The following NALCN variants were observed in gnomAD, a reference collection of about 807,000 sequenced individuals.
NALCN encodes sodium leak channel NALCN.
In NALCN, 111 loss-of-function variants were observed where a neutral mutation model predicts 225.3. The observed-to-expected ratio is 0.49, with a 90% confidence interval of 0.42 to 0.58. The LOEUF (loss-of-function observed/expected upper bound fraction) is 0.58, where lower values mean the gene tolerates loss of function less well. Among genes scored for constraint, NALCN ranks in the 20% least tolerant of loss-of-function variants. The probability of loss-of-function intolerance (pLI) is 0.00; values close to 1 mark genes in which losing one functional copy is unlikely to be tolerated. For missense variants in NALCN, 1,378 were observed against 2,202.4 expected, an observed-to-expected ratio of 0.63 and a Z score of 7.49; for synonymous variants, 764 against 769.0, an observed-to-expected ratio of 0.99 and a Z score of 0.11.
At chr13:101,281,505 G>T (rs2138996196) in intron 10 of NALCN, among the ~76,000 whole-genome samples, 1 of 152,308 alleles carries the variant, frequency 6.6e-6, no homozygotes, top group African/African-American at 2.4e-5. Context: ...TATTAGTAGT[G>T]ATAGTAGGAG....
chr13:101,216,541 TC>T (rs1191035786), intron 13 of NALCN, among the ~76,000 whole-genome samples: 1 of 152,098 alleles, frequency 6.6e-6, no homozygotes, highest in Non-Finnish European at 1.5e-5. Context: ...ATCAAATATT[TC>T]ATGATAAAAT....
intron 15 of NALCN, among the ~76,000 whole-genome samples, chr13:101,148,903 T>G (rs1197656249): frequency 6.7e-6 from 1 of 150,166 alleles, no homozygotes; most frequent in Admixed American, 6.7e-5. Context: ...TGTCCTTAGA[T>G]TCACAGAAGA....
At chr13:101,349,878 A>C (rs1277223480) in intron 6 of NALCN, among the ~76,000 whole-genome samples, 2 of 152,134 alleles carry the variant, frequency 1.3e-5, no homozygotes, top group Non-Finnish European at 2.9e-5. Context: ...CCCTTATTCA[A>C]TTTGAAATCC....
At chr13:101,142,964 T>C in intron 17 of NALCN, 116 bp downstream of exon 17, 1 of 1,313,230 alleles carries the variant, frequency 7.6e-7, no homozygotes, top group East Asian at 2.3e-5. Context: ...TGAAATCATT[T>C]TATTTTCATT....
Position 101,089,649 on chromosome 13 carries a change from C to T in NALCN, c.3489+14G>A, listed in dbSNP as rs367897285. ...AAGGCTAAACCCTGTGGTATCCAAA[C>T]CAAAAATCCTTACCTTGTTTTCATT... is the stretch of plus-strand genomic sequence containing the variant. On this transcript the variant is annotated intron_variant, in intron 30 of 43. Coordinates refer to ENST00000251127, the MANE Select transcript of NALCN (RefSeq NM_052867.4). This position sits in a 1 kb window ranked among gnomAD's most constrained non-coding sequence, Gnocchi z 4.7. 5.0e-6 allele frequency: 8 copies of T among 1,612,290 alleles called. No individual in the cohort carries two copies. Among genetic ancestry groups the T allele is most frequent in the Admixed American group, 1.7e-5 (1 of 59,948 alleles).
intron 1 of NALCN, among the ~76,000 whole-genome samples, chr13:101,413,902 G>T (rs552090632): frequency 1.2e-4 from 19 of 152,210 alleles, no homozygotes; most frequent in African/African-American, 4.3e-4. Context: ...TTTTTAAACA[G>T]AGTCTCACTC....
At chr13:101,094,384 G>A (rs1215677914) in intron 28 of NALCN, among the ~76,000 whole-genome samples, 1 of 152,094 alleles carries the variant, frequency 6.6e-6, no homozygotes, top group Non-Finnish European at 1.5e-5. Flanking sequence ...TTTCTCTATA[G>A]TGAAGGAAAT....
At chr13:101,238,237 A>G (rs1566473099) in intron 11 of NALCN, among the ~76,000 whole-genome samples, 1 of 151,902 alleles carries the variant, frequency 6.6e-6, no homozygotes, top group Non-Finnish European at 1.5e-5. Context: ...TGTACACAAA[A>G]GGCTGAATTT....
rs1187746840 is a variant in NALCN at position 101,379,757 on chromosome 13, T to C, written c.292-1104A>G. ...GAGGGATAGCATTAGGAGAAACACCTAACGTAGATGACAGGTTGATGGTGC... is the reference window on the plus strand; with the variant it reads ...GAGGGATAGCATTAGGAGAAACACCCAACGTAGATGACAGGTTGATGGTGC... On this transcript the variant is annotated intron_variant, in intron 3 of 43. Coordinates refer to ENST00000251127, the MANE Select transcript of NALCN (RefSeq NM_052867.4). Among the ~76,000 whole-genome samples, 4 of 152,208 alleles carry C rather than the reference T, an allele frequency of 2.6e-5. No individual in the cohort carries two copies. In the East Asian group the frequency reaches 7.7e-4, roughly 29 times the overall value.
intron 13 of NALCN, among the ~76,000 whole-genome samples, chr13:101,228,267 A>G (rs555410158): frequency 4.8e-4 from 73 of 152,332 alleles, no homozygotes; most frequent in African/African-American, 1.7e-3. Flanking sequence ...CCCTAAAATA[A>G]AGCTAAGCTA....
chr13:101,338,598 A>G (rs2045459788), intron 7 of NALCN, among the ~76,000 whole-genome samples: 1 of 152,182 alleles, frequency 6.6e-6, no homozygotes, highest in African/African-American at 2.4e-5. Context: ...GGTCATGACA[A>G]GGAATCACCA....
chr13:101,279,221 AG>A (rs1391464333), intron 10 of NALCN, among the ~76,000 whole-genome samples: 1 of 152,176 alleles, frequency 6.6e-6, no homozygotes, highest in Non-Finnish European at 1.5e-5. Context: ...TTATTTTTTG[AG>A]GATAAGAAAG....
At chr13:101,062,518 C>G (rs1297492891) in intron 40 of NALCN, among the ~76,000 whole-genome samples, 1 of 152,170 alleles carries the variant, frequency 6.6e-6, no homozygotes, top group East Asian at 1.9e-4. Context: ...TTAATATGCT[C>G]GGCTGTGCGT....
intron 17 of NALCN, among the ~76,000 whole-genome samples, chr13:101,137,728 A>G (rs1362223774): frequency 6.6e-6 from 1 of 152,224 alleles, no homozygotes; most frequent in Non-Finnish European, 1.5e-5. Context: ...CTGAAGGTTA[A>G]ATTTATGTAA....
chr13:101,312,932 T>C (rs2044403918), intron 7 of NALCN, among the ~76,000 whole-genome samples: 1 of 152,146 alleles, frequency 6.6e-6, no homozygotes, highest in African/African-American at 2.4e-5. Flanking sequence ...CTTCAAACTA[T>C]ACTACAAGGC....
chr13:101,139,048 C>G (rs1356549694), intron 17 of NALCN, among the ~76,000 whole-genome samples: 2 of 152,274 alleles, frequency 1.3e-5, no homozygotes, highest in Middle Eastern at 3.4e-3. Flanking sequence ...GGAAAACACT[C>G]TTTCCTGTCT....
intron 11 of NALCN, among the ~76,000 whole-genome samples, chr13:101,242,424 T>C (rs1566477426): frequency 9.5e-6 from 1 of 105,800 alleles, no homozygotes; most frequent in Non-Finnish European, 2.1e-5. Context: ...TGCTTTTTTC[T>C]TATTGCTTCA....
intron 17 of NALCN, among the ~76,000 whole-genome samples, chr13:101,131,132 T>G (rs1412791418): frequency 6.6e-6 from 1 of 152,150 alleles, no homozygotes; most frequent in Non-Finnish European, 1.5e-5. Flanking sequence ...TTGCTTTAAT[T>G]TATAACTTTT....
intron 40 of NALCN, among the ~76,000 whole-genome samples, chr13:101,062,555 CTTCCCTCTCTGT>C (rs566634607): frequency 2.0e-4 from 30 of 152,186 alleles, no homozygotes; most frequent in Admixed American, 7.2e-4. Flanking sequence ...CTGCATCCCA[CTTCCCTCTCTGT>C]TTCTCTCATT....
Sources: gnomAD v4.1 joint callset for allele counts (sites outside exome capture counted in the v4.1 genomes callset) on GRCh38, gnomAD v4.1.1 for gene constraint, Gnocchi (gnomAD v3.1) non-coding constraint, MANE v1.5 for transcripts, NCBI Gene and HGNC (gene_info 2026-07-23, HGNC 2026-07-21) for gene names.